RPS14: variants seen among roughly 807,000 people sequenced by gnomAD.
RPS14 encodes small ribosomal subunit protein uS11.
RPS14 carries 1 observed loss-of-function variant against 15.4 expected under a neutral mutation model. That is an observed-to-expected ratio of 0.07 (90% CI 0.02 to 0.31). The LOEUF is 0.31. Ranked by LOEUF, RPS14 falls within the 10% of genes least tolerant of loss-of-function variation. The pLI is 1.00. For synonymous variants in RPS14, 68 were observed against 74.4 expected, an observed-to-expected ratio of 0.91 and a Z score of 0.44; for missense variants, 69 against 205.5, an observed-to-expected ratio of 0.34 and a Z score of 4.06.
At chr5:150,445,494 C>T in intron 4 of RPS14, 115 bp downstream of exon 4, 1 of 991,984 alleles carries the variant, frequency 1.0e-6, no homozygotes, top group Non-Finnish European at 1.6e-6. Context: ...CCTTAACAAA[C>T]TTAACTGCCA....
intron 1 of RPS14, chr5:150,449,068 C>T (rs1771192059): frequency 6.6e-6 from 1 of 152,184 alleles, no homozygotes; most frequent in Non-Finnish European, 1.5e-5. Context: ...TTCCTAACAT[C>T]CCCTAAAGTA....
At position 150,444,114 on chromosome 5, in the gene RPS14, C is replaced by G. The variant is rs1171374803; in HGVS notation, c.*172G>C. 1 of 1,011,170 alleles carries G rather than the reference C, an allele frequency of 9.9e-7. No individual in the cohort carries two copies. Among genetic ancestry groups the G allele is most frequent in the African/African-American group, 1.6e-5 (1 of 61,050 alleles). The allele number at this position is 1,011,170 out of a possible 1,614,324, so 62.6% of individuals were successfully genotyped here. On this transcript the variant is annotated 3_prime_UTR_variant, in exon 5 of 5. Transcript: ENST00000407193. ...ATGCCGCAAGTAGCATGGAAAAGAC[C>G]CCAAATGCAGCACCAGGATCTCAGC...
Position 150,446,785 on chromosome 5 carries a change from C to T in RPS14, c.311+17G>A. 6.2e-7 allele frequency: 1 copy of T among 1,610,022 alleles called. No homozygotes were observed. The highest frequency in any genetic ancestry group is 1.1e-5 in the South Asian group (1 of 90,690). On this transcript the variant is annotated intron_variant, in intron 3 of 4. Coordinates refer to ENST00000407193, the MANE Select transcript of RPS14 (RefSeq NM_005617.4). This position sits in a 1 kb window ranked among gnomAD's most constrained non-coding sequence, Gnocchi z 4.2. ...GCAGGTTTTCTACCACCCAGCCATC[C>T]CCTCTGCGACTCGTACCTATTTCCT...
chr5:150,444,420 A>C, intron 4 of RPS14, 67 bp from the exon 5 acceptor site: 1 of 1,330,702 alleles, frequency 7.5e-7, no homozygotes, highest in South Asian at 1.2e-5. Context: ...GACTCCCTAG[A>C]CCAATGGCCT....
Position 150,443,363 on chromosome 5 carries a change from A to G in RPS14, c.*923T>C, listed in dbSNP as rs1230294443. On this transcript the variant is annotated 3_prime_UTR_variant, in exon 5 of 5. Transcript: ENST00000407193. Reference sequence around the variant, plus strand: ...GGTTAAGATTCAATGTTGTTATTAAAATCCCTAGCAAGGTTTGGCATGTAA... The same window carrying G: ...GGTTAAGATTCAATGTTGTTATTAAGATCCCTAGCAAGGTTTGGCATGTAA... The G allele has an allele frequency of 2.0e-5, 3 of 152,132 alleles. No individual in the cohort carries two copies. The highest frequency in any genetic ancestry group is 4.8e-5 in the African/African-American group (2 of 41,416). 9.4% of individuals were successfully genotyped at this position (152,132 alleles called of 1,614,324 possible).
At position 150,444,648 on chromosome 5, in the gene RPS14, G is replaced by GA. The variant is rs1446426525; in HGVS notation, c.389-296dup. On this transcript the variant is annotated intron_variant, in intron 4 of 4. Coordinates refer to ENST00000407193, the MANE Select transcript of RPS14 (RefSeq NM_005617.4). ...ATCTAGCCCACCGTCTTCTCTAGAG[G>GA]AAAAAACCCTTTTAGACAGGGTAAC... The GA allele has an allele frequency of 5.0e-6, 3 of 603,108 alleles. No individual in the cohort carries two copies. The African/African-American group carries it at 5.5e-5, about 11-fold the overall frequency. The allele number at this position is 603,108 out of a possible 1,614,324, so 37.4% of individuals were successfully genotyped here. A position where few individuals can be genotyped will look rare whatever the true frequency, so the allele number is the denominator to read the frequency against.
Position 150,445,985 on chromosome 5 carries a change from G to A in RPS14, c.312-300C>T, listed in dbSNP as rs187133862. 1.8e-4 allele frequency among the ~76,000 whole-genome samples: 27 copies of A among 152,230 alleles called. No homozygotes were observed. The East Asian group carries it at 4.6e-3, about 26-fold the overall frequency. On this transcript the variant is annotated intron_variant, in intron 3 of 4. Coordinates refer to ENST00000407193, the MANE Select transcript of RPS14 (RefSeq NM_005617.4). ...CTACTACTAGCAGTCCCAGCTACTCGGGAGGCTGAGGTGGGAGGACTGCTA... is the reference window on the plus strand; with the variant it reads ...CTACTACTAGCAGTCCCAGCTACTCAGGAGGCTGAGGTGGGAGGACTGCTA...
At chr5:150,447,426 G>C in intron 2 of RPS14, 159 bp downstream of exon 2, 1 of 737,650 alleles carries the variant, frequency 1.4e-6, no homozygotes, top group Non-Finnish European at 2.4e-6. Context: ...TGTAACCCCT[G>C]GGAAATCACA....
Position 150,444,207 on chromosome 5 carries a change from G to T in RPS14, c.*79C>A, listed in dbSNP as rs1581274822. On this transcript the variant is annotated 3_prime_UTR_variant, in exon 5 of 5. Transcript: ENST00000407193. Reference sequence around the variant, plus strand: ...GAAATCAAATGCCTGAGTAGCCCCTGATGAAGGAGAGAAGGCTGGAGTTGA... The same window carrying T: ...GAAATCAAATGCCTGAGTAGCCCCTTATGAAGGAGAGAAGGCTGGAGTTGA... 6.5e-7 allele frequency: 1 copy of T among 1,530,604 alleles called. No individual in the cohort carries two copies. The allele number at this position is 1,530,604 out of a possible 1,614,324, so 94.8% of individuals were successfully genotyped here.
Position 150,446,120 on chromosome 5 carries a change from G to C in RPS14, c.312-435C>G, listed in dbSNP as rs1239678550. ...AGAGGAAAAAAAAAAAAGCCAGACAGTAAATATTTTAGGCTGAGGGGGCCA... is the reference window on the plus strand; with the variant it reads ...AGAGGAAAAAAAAAAAAGCCAGACACTAAATATTTTAGGCTGAGGGGGCCA... On this transcript the variant is annotated intron_variant, in intron 3 of 4. Transcript: ENST00000407193. This position sits in a 1 kb window ranked among gnomAD's most constrained non-coding sequence, Gnocchi z 4.2. 4.0e-5 allele frequency among the ~76,000 whole-genome samples: 6 copies of C among 151,838 alleles called. No individual in the cohort carries two copies. Among genetic ancestry groups the C allele is most frequent in the African/African-American group, 1.2e-4 (5 of 41,350 alleles).
rs751276409 is a variant in RPS14 at position 150,446,967 on chromosome 5, G to A, written c.150-4C>T. The A allele has an allele frequency of 5.0e-6, 8 of 1,613,794 alleles. No individual in the cohort carries two copies. Among genetic ancestry groups the A allele is most frequent in the Non-Finnish European group, 6.8e-6 (8 of 1,179,928 alleles). On this transcript the variant is annotated splice_region_variant and splice_polypyrimidine_tract_variant and intron_variant, in intron 2 of 4. Transcript: ENST00000407193. The surrounding 1 kb of genome is among the most constrained non-coding windows in gnomAD (Gnocchi z 4.2). ...AGTCACACGGCAGATGGTTTCCCTGGGGACAAAAGCACAGGGTCATTTCTT... is the reference window on the plus strand; with the variant it reads ...AGTCACACGGCAGATGGTTTCCCTGAGGACAAAAGCACAGGGTCATTTCTT...
intron 2 of RPS14, 144 bp from the exon 3 acceptor site, chr5:150,447,107 G>T: frequency 1.2e-6 from 1 of 860,720 alleles, no homozygotes; most frequent in Non-Finnish European, 1.8e-6. Flanking sequence ...GTCCAGTGGG[G>T]TTGAATGGCC....
rs1771000017 is a variant in RPS14, at chr5:150,443,505, TTGC to T, written c.*778_*780del. ...CAGCATCCCAACAGATTTTCCCCTC[TTGC>T]TGGTTTCTTTCCTCTACAACTGACT... On this transcript the variant is annotated 3_prime_UTR_variant, in exon 5 of 5. Coordinates refer to ENST00000407193, the MANE Select transcript of RPS14 (RefSeq NM_005617.4). 6.6e-6 allele frequency: 1 copy of T among 152,268 alleles called. No homozygotes were observed. Among genetic ancestry groups the T allele is most frequent in the South Asian group, 2.1e-4 (1 of 4,834 alleles). The allele number at this position is 152,268 out of a possible 1,614,324, so 9.4% of individuals were successfully genotyped here.
rs1340990149 is a variant in RPS14, at chr5:150,443,777, T to C, written c.*509A>G. The C allele has an allele frequency of 6.6e-6, 1 of 152,236 alleles. No homozygotes were observed. The highest frequency in any genetic ancestry group is 1.5e-5 in the Non-Finnish European group (1 of 68,046). The allele number at this position is 152,236 out of a possible 1,614,324, so 9.4% of individuals were successfully genotyped here. Reference sequence around the variant, plus strand: ...GATGAAAATAGGACTTGGTGTGTATTTGTGGGGTGACAATCTTTATGTACT... The same window carrying C: ...GATGAAAATAGGACTTGGTGTGTATCTGTGGGGTGACAATCTTTATGTACT... On this transcript the variant is annotated 3_prime_UTR_variant, in exon 5 of 5. Coordinates refer to ENST00000407193, the MANE Select transcript of RPS14 (RefSeq NM_005617.4).
intron 2 of RPS14, 164 bp downstream of exon 2, chr5:150,447,421 C>A: frequency 2.8e-6 from 2 of 718,032 alleles, no homozygotes; most frequent in East Asian, 2.5e-5. Context: ...TCTCTTGTAA[C>A]CCCTGGGAAA....
Position 150,447,741 on chromosome 5 carries a change from T to C in RPS14, c.-2-6A>G, listed in dbSNP as rs1366764073. 2.5e-6 allele frequency: 4 copies of C among 1,611,820 alleles called. No individual in the cohort carries two copies. The East Asian group carries it at 6.7e-5, about 27-fold the overall frequency. On this transcript the variant is annotated splice_polypyrimidine_tract_variant and splice_region_variant and intron_variant, in intron 1 of 4. Coordinates refer to ENST00000407193, the MANE Select transcript of RPS14 (RefSeq NM_005617.4). The stretch of plus-strand genomic sequence containing the variant: ...CCCCTTTCGAGGTGCCATTTCTGAG[T>C]GGAAGGAAAAGAAACTCAAGGTTAA...
At chr5:150,445,539 G>T in intron 4 of RPS14, 70 bp downstream of exon 4, 2 of 1,424,056 alleles carry the variant, frequency 1.4e-6, no homozygotes, top group Non-Finnish European at 2.0e-6. Flanking sequence ...CATCCACTGG[G>T]CACAGCACGT....
chr5:150,448,996 G>GT (rs1178736238), intron 1 of RPS14: 1 of 152,218 alleles, frequency 6.6e-6, no homozygotes. Context: ...TCTCAAATAC[G>GT]TAAGCATGAG....
Position 150,446,142 on chromosome 5 carries a change from G to A in RPS14, c.312-457C>T, listed in dbSNP as rs1771086881. Among the ~76,000 whole-genome samples, 1 of 151,936 alleles carries A rather than the reference G, an allele frequency of 6.6e-6. No individual in the cohort carries two copies. The highest frequency in any genetic ancestry group is 6.6e-5 in the Admixed American group (1 of 15,246). The stretch of plus-strand genomic sequence containing the variant: ...ACAGTAAATATTTTAGGCTGAGGGG[G>A]CCACTATGGTTTGTTGTTATGTTCT... On this transcript the variant is annotated intron_variant, in intron 3 of 4. Coordinates refer to ENST00000407193, the MANE Select transcript of RPS14 (RefSeq NM_005617.4). The surrounding 1 kb of genome is among the most constrained non-coding windows in gnomAD (Gnocchi z 4.2).
Sources: gnomAD v4.1 joint callset for allele counts (sites outside exome capture counted in the v4.1 genomes callset) on GRCh38, gnomAD v4.1.1 for gene constraint, Gnocchi (gnomAD v3.1) non-coding constraint, MANE v1.5 for transcripts, NCBI Gene and HGNC (gene_info 2026-07-23, HGNC 2026-07-21) for gene names.